The following FLOT2 variants were observed in gnomAD, a reference collection of about 807,000 sequenced individuals.
FLOT2 encodes flotillin 2.
In FLOT2, 35 loss-of-function variants were observed where a neutral mutation model predicts 54.9. The ratio of observed to expected loss-of-function variants is 0.64; its 90% confidence interval spans 0.49 to 0.84. The LOEUF (loss-of-function observed/expected upper bound fraction) is 0.84. FLOT2 is among the 40% of genes least tolerant of loss of function. The probability of loss-of-function intolerance (pLI) is 0.00; values close to 1 mark genes in which losing one functional copy is unlikely to be tolerated. For synonymous variants in FLOT2, 207 were observed against 228.9 expected, an observed-to-expected ratio of 0.90 and a Z score of 0.86; for missense variants, 464 against 572.1, an observed-to-expected ratio of 0.81 and a Z score of 1.93.
chr17:28,890,056 GGGAA>G (rs1171315344), intron 1 of FLOT2, among the ~76,000 whole-genome samples: 1 of 152,198 alleles, frequency 6.6e-6, no homozygotes, highest in Non-Finnish European at 1.5e-5. Flanking sequence ...GGGGCTGGGA[GGGAA>G]GGAAGAGTCT....
In FLOT2 at chr17:28,880,407, G is replaced by A; in HGVS notation, c.*154C>T. 6.7e-7 allele frequency: 1 copy of A among 1,495,858 alleles called. No individual in the cohort carries two copies. Among genetic ancestry groups the A allele is most frequent in the Admixed American group, 2.4e-5 (1 of 41,832 alleles). 92.7% of individuals were successfully genotyped at this position (1,495,858 alleles called of 1,614,324 possible). A position where few individuals can be genotyped will look rare whatever the true frequency, so the allele number is the denominator to read the frequency against. ...AGGAGGTGGACAGACAGGAGAGACA[G>A]GAAGACAGCCAGAGATGGCCTGAAC... On this transcript the variant is annotated 3_prime_UTR_variant, in exon 11 of 11. Transcript: ENST00000394908.
At chr17:28,881,455 C>T (rs1298027757) in intron 8 of FLOT2, 80 bp from the exon 9 acceptor site, 5 of 1,421,946 alleles carry the variant, frequency 3.5e-6, no homozygotes, top group Non-Finnish European at 4.9e-6. Context: ...AGCAAACCTT[C>T]AAACCCTCTG....
chr17:28,892,231 TG>T (rs1269039855), intron 1 of FLOT2, among the ~76,000 whole-genome samples: 1 of 126,054 alleles, frequency 7.9e-6, no homozygotes, highest in Non-Finnish European at 1.6e-5. Context: ...TCTGGCCTGG[TG>T]GGGGCTGGGG....
chr17:28,888,072 C>T (rs2039579309), intron 2 of FLOT2, among the ~76,000 whole-genome samples: 1 of 152,198 alleles, frequency 6.6e-6, no homozygotes, highest in Non-Finnish European at 1.5e-5. Flanking sequence ...CATGATTTCC[C>T]CTGTGGGGTG....
In FLOT2 at chr17:28,882,813, G is replaced by T; in HGVS notation, c.347-122C>A. ...CTGCACTCTGAGCTGGGTCTTCCTG[G>T]GGTATCTTCTCAACAGCACTTAACA... On this transcript the variant is annotated intron_variant, in intron 4 of 10. Transcript: ENST00000394908. The surrounding 1 kb of genome is among the most constrained non-coding windows in gnomAD (Gnocchi z 5.6). The T allele has an allele frequency of 1.4e-6, 1 of 720,168 alleles. No individual in the cohort carries two copies. Among genetic ancestry groups the T allele is most frequent in the Non-Finnish European group, 2.4e-6 (1 of 415,276 alleles). 44.6% of individuals were successfully genotyped at this position (720,168 alleles called of 1,614,324 possible).
rs763136926 is a variant in FLOT2 at position 28,882,739 on chromosome 17, T to C, written c.347-48A>G. On this transcript the variant is annotated intron_variant, in intron 4 of 10. Coordinates refer to ENST00000394908, the MANE Select transcript of FLOT2 (RefSeq NM_004475.3). The surrounding 1 kb of genome is among the most constrained non-coding windows in gnomAD (Gnocchi z 5.6). ...CTGGCTCCCCAGGGACCCAGCCAGC[T>C]GGGGAAGGGAGGAGGCATGCATGTA... 1.6e-6 allele frequency: 2 copies of C among 1,280,676 alleles called. No individual in the cohort carries two copies. The highest frequency in any genetic ancestry group is 2.4e-5 in the South Asian group (2 of 84,048). 79.3% of individuals were successfully genotyped at this position (1,280,676 alleles called of 1,614,324 possible).
intron 2 of FLOT2, among the ~76,000 whole-genome samples, chr17:28,887,266 C>A (rs1488334705): frequency 6.6e-6 from 1 of 152,082 alleles, no homozygotes; most frequent in African/African-American, 2.4e-5. Context: ...AGTATCCAGG[C>A]TGAGTTAGAA....
At chr17:28,888,860 C>T (rs2039595501) in intron 2 of FLOT2, 85 bp downstream of exon 2, 1 of 840,190 alleles carries the variant, frequency 1.2e-6, no homozygotes, top group Non-Finnish European at 1.8e-6. Flanking sequence ...CTCTAGCTGA[C>T]CCTCAGAGTG....
At chr17:28,890,949 C>T (rs750201222) in intron 1 of FLOT2, among the ~76,000 whole-genome samples, 1 of 150,656 alleles carries the variant, frequency 6.6e-6, no homozygotes, top group Non-Finnish European at 1.5e-5. Flanking sequence ...CTGGAGTACA[C>T]GGCTCACTGC....
rs916411212 is a variant in FLOT2 at position 28,897,040 on chromosome 17, C to A, written c.49+486G>T. ...GCCGGTAATCCCCAACAAGCCCCAG[C>A]CTGCTTGGAATTAACGGGTCTGACT... On this transcript the variant is annotated intron_variant, in intron 1 of 10. Transcript: ENST00000394908. This position sits in a 1 kb window ranked among gnomAD's most constrained non-coding sequence, Gnocchi z 4.4. 6.6e-6 allele frequency among the ~76,000 whole-genome samples: 1 copy of A among 152,242 alleles called. No individual in the cohort carries two copies. The highest frequency in any genetic ancestry group is 1.5e-5 in the Non-Finnish European group (1 of 68,042).
At position 28,881,872 on chromosome 17, in the gene FLOT2, C is replaced by T. The variant is rs1479700636; in HGVS notation, c.856G>A (p.Val286Met). Residue 286 changes from valine (V) to methionine (M), a missense_variant, in exon 8 of 11, where the codon GTG becomes ATG. Transcript: ENST00000394908. The part of the protein sequence containing the change: ...LRTDKELIAT[V>M]RRPAEAEAHR... ...GCCTCGGCCTCGGCAGGCCGGCGCA[C>T]TGTAGCGATGAGCTCCTTGTCCGTA... 1 of 1,613,546 alleles carries T rather than the reference C, an allele frequency of 6.2e-7. No homozygotes were observed.
rs2039628735 is a variant in FLOT2, at chr17:28,890,448, G to A, written c.50-1422C>T. 4.0e-5 allele frequency among the ~76,000 whole-genome samples: 6 copies of A among 149,812 alleles called. No homozygotes were observed. The South Asian group carries it at 1.3e-3, about 32-fold the overall frequency. On this transcript the variant is annotated intron_variant, in intron 1 of 10. Transcript: ENST00000394908. Reference sequence around the variant, plus strand: ...GTCGCCCAGGCTGGAGTGCAGTGGTGCGATCTCAGCTCACTGCAAGCTCCA... The same window carrying A: ...GTCGCCCAGGCTGGAGTGCAGTGGTACGATCTCAGCTCACTGCAAGCTCCA...
In FLOT2 at chr17:28,879,579, C is replaced by T. The variant is rs2039414328; in HGVS notation, c.*982G>A. ...AGAGGATTGGGTTGCTTCCCCATGG[C>T]TGGAACCCCATCACTCTGGCCAGGA... On this transcript the variant is annotated 3_prime_UTR_variant, in exon 11 of 11. Transcript: ENST00000394908. The T allele has an allele frequency of 2.0e-6, 2 of 985,972 alleles. No homozygotes were observed. The highest frequency in any genetic ancestry group is 2.4e-6 in the Non-Finnish European group (2 of 830,096). The allele number at this position is 985,972 out of a possible 1,614,324, so 61.1% of individuals were successfully genotyped here.
rs1387102722 is a variant in FLOT2 at position 28,883,274 on chromosome 17, GCAGA to G, written c.223-47_223-44del. ...GGCGCTTCAGCTAGGCTGGAGCGAG[GCAGA>G]CAAAGGCCCCAGACCCAGAGGTAGG... On this transcript the variant is annotated intron_variant, in intron 3 of 10. Coordinates refer to ENST00000394908, the MANE Select transcript of FLOT2 (RefSeq NM_004475.3). This position sits in a 1 kb window ranked among gnomAD's most constrained non-coding sequence, Gnocchi z 5.0. 6 of 1,611,544 alleles carry G rather than the reference GCAGA, an allele frequency of 3.7e-6. No individual in the cohort carries two copies. In the Admixed American group the frequency reaches 6.7e-5, roughly 18 times the overall value.
In FLOT2 at chr17:28,880,783, G is replaced by A. The variant is rs1013839429; in HGVS notation, c.1178C>T (p.Ser393Leu). The part of the protein sequence containing the change: ...VLSGDNSKVT[S>L]EVNRLLAELP... Reference sequence around the variant, plus strand: ...CTCGGCCAGCAGTCGGTTCACTTCTGATGTGACCTTACTGTTGTCTCCACT... The same window carrying A: ...CTCGGCCAGCAGTCGGTTCACTTCTAATGTGACCTTACTGTTGTCTCCACT... The change falls in exon 10 of 11, where the codon TCA becomes TTA. Residue 393 changes from serine to leucine, a missense_variant. Ser to Leu is a moderately radical substitution (Grantham distance 145). Coordinates refer to ENST00000394908, the MANE Select transcript of FLOT2 (RefSeq NM_004475.3). 1.5e-5 allele frequency: 25 copies of A among 1,614,202 alleles called. No homozygotes were observed. Among genetic ancestry groups the A allele is most frequent in the Non-Finnish European group, 2.1e-5 (25 of 1,180,034 alleles).
chr17:28,888,897 T>A, intron 2 of FLOT2, 48 bp downstream of exon 2: 1 of 1,386,914 alleles, frequency 7.2e-7, no homozygotes, highest in Non-Finnish European at 1.0e-6. Flanking sequence ...GAAGCCCCTC[T>A]CTCCCTGGCC....
At position 28,897,547 on chromosome 17, in the gene FLOT2, T is replaced by C; in HGVS notation, c.28A>G (p.Asn10Asp). MGNCHTVGPNEALVVSGGCC... is the reference protein window; with the variant it reads MGNCHTVGPDEALVVSGGCC... The stretch of plus-strand genomic sequence containing the variant: ...TCACCTGAAACCACCAGCGCCTCGT[T>C]GGGCCCCACCGTGTGGCAATTGCCC... The change falls in exon 1 of 11, where the codon AAC becomes GAC. Residue 10 changes from asparagine to aspartate, a missense_variant. Physicochemically the swap from Asn to Asp is conservative, Grantham distance 23. Coordinates refer to ENST00000394908, the MANE Select transcript of FLOT2 (RefSeq NM_004475.3). The surrounding 1 kb of genome is among the most constrained non-coding windows in gnomAD (Gnocchi z 4.4). 6.2e-7 allele frequency: 1 copy of C among 1,605,862 alleles called. No individual in the cohort carries two copies. Among genetic ancestry groups the C allele is most frequent in the Non-Finnish European group, 8.5e-7 (1 of 1,176,584 alleles).
chr17:28,897,033 G>GC lies in FLOT2; in HGVS notation c.49+492dup, dbSNP rs898965700. On this transcript the variant is annotated intron_variant, in intron 1 of 10. Coordinates refer to ENST00000394908, the MANE Select transcript of FLOT2 (RefSeq NM_004475.3). This position sits in a 1 kb window ranked among gnomAD's most constrained non-coding sequence, Gnocchi z 4.4. ...GGGCAGTGCCGGTAATCCCCAACAA[G>GC]CCCCAGCCTGCTTGGAATTAACGGG... 2.0e-4 allele frequency among the ~76,000 whole-genome samples: 30 copies of GC among 152,330 alleles called. No homozygotes were observed. Among genetic ancestry groups the GC allele is most frequent in the African/African-American group, 6.7e-4 (28 of 41,578 alleles).
rs779245809 is a variant in FLOT2 at position 28,897,481 on chromosome 17, C to T, written c.49+45G>A. 2 of 1,569,432 alleles carry T rather than the reference C, an allele frequency of 1.3e-6. No individual in the cohort carries two copies. Among genetic ancestry groups the T allele is most frequent in the South Asian group, 1.2e-5 (1 of 86,462 alleles). ...GTGCACTCCCCAGCCCTGCACCCAC[C>T]CCGAGCACCCTCCACAGCTCCCACC... On this transcript the variant is annotated intron_variant, in intron 1 of 10. Coordinates refer to ENST00000394908, the MANE Select transcript of FLOT2 (RefSeq NM_004475.3). This position sits in a 1 kb window ranked among gnomAD's most constrained non-coding sequence, Gnocchi z 4.4.
Sources: allele counts gnomAD v4.1 joint callset (sites outside exome capture counted in the v4.1 genomes callset), GRCh38; gene constraint gnomAD v4.1.1; non-coding constraint Gnocchi (gnomAD v3.1); transcripts MANE v1.5; gene names NCBI Gene and HGNC (gene_info 2026-07-23, HGNC 2026-07-21).